Variants in MAST2 observed in about 807,000 individuals in gnomAD.
MAST2 encodes microtubule-associated serine/threonine-protein kinase 2.
MAST2 carries 70 observed loss-of-function variants against 147.4 expected under a neutral mutation model. The ratio of observed to expected loss-of-function variants is 0.47; its 90% CI spans 0.39 to 0.58. The LOEUF (loss-of-function observed/expected upper bound fraction) is 0.58. Ranked by LOEUF, MAST2 falls within the 20% of genes least tolerant of loss-of-function variation. MAST2 has a pLI of 0.00. For missense variants in MAST2, 2,080 were observed against 2,302.3 expected (o/e 0.90, Z 1.98); for synonymous variants, 869 against 896.8 (o/e 0.97, Z 0.55).
At chr1:45,911,173 C>A (rs888105103) in intron 4 of MAST2, among the ~76,000 whole-genome samples, 3 of 152,080 alleles carry the variant, frequency 2.0e-5, no homozygotes, top group Non-Finnish European at 4.4e-5. Context: ...TGTCACCAGT[C>A]CCAGGGAAAT....
chr1:45,997,338 G>T (rs192532006), intron 5 of MAST2, among the ~76,000 whole-genome samples: 1 of 152,256 alleles, frequency 6.6e-6, no homozygotes, highest in Non-Finnish European at 1.5e-5. Flanking sequence ...TTTGGATTAG[G>T]GGTCCTGTTG....
intron 5 of MAST2, among the ~76,000 whole-genome samples, chr1:45,988,639 C>G (rs1405309815): frequency 6.6e-6 from 1 of 152,208 alleles, no homozygotes; most frequent in Non-Finnish European, 1.5e-5. Context: ...TACATCCTCA[C>G]TGATCTTCCC....
chr1:45,911,847 ATTG>A (rs1651701059), intron 4 of MAST2, among the ~76,000 whole-genome samples: 2 of 139,316 alleles, frequency 1.4e-5, no homozygotes, highest in South Asian at 2.3e-4. Context: ...CATTATTATT[ATTG>A]TTATATTATT....
chr1:45,936,398 C>T (rs1656196221), intron 4 of MAST2, among the ~76,000 whole-genome samples: 1 of 152,116 alleles, frequency 6.6e-6, no homozygotes, highest in African/African-American at 2.4e-5. Context: ...CTAGGACTTC[C>T]TATGTGGAAT....
At chr1:45,923,308 T>C (rs1231589781) in intron 4 of MAST2, among the ~76,000 whole-genome samples, 1 of 152,200 alleles carries the variant, frequency 6.6e-6, no homozygotes, top group African/African-American at 2.4e-5. Context: ...GTCCTGCATC[T>C]GTACCCCACT....
At chr1:45,955,003 A>T (rs1013879793) in intron 4 of MAST2, among the ~76,000 whole-genome samples, 1 of 149,902 alleles carries the variant, frequency 6.7e-6, no homozygotes, top group African/African-American at 2.4e-5. Flanking sequence ...TCTTTATTTT[A>T]ATCCTTGTAA....
chr1:46,029,368 T>G (rs941918725), intron 18 of MAST2, 98 bp from the exon 19 acceptor site: 8 of 997,504 alleles, frequency 8.0e-6, no homozygotes, highest in Middle Eastern at 2.2e-4. Context: ...GGCTGGGTCC[T>G]TTTTGCCTCC....
At chr1:46,004,522 T>C (rs925158994) in intron 7 of MAST2, among the ~76,000 whole-genome samples, 1 of 152,232 alleles carries the variant, frequency 6.6e-6, no homozygotes, top group Non-Finnish European at 1.5e-5. Context: ...CACTGTAGTT[T>C]ACATTGCCTC....
At chr1:45,968,759 T>C (rs762455079) in intron 5 of MAST2, among the ~76,000 whole-genome samples, 7 of 152,098 alleles carry the variant, frequency 4.6e-5, no homozygotes, top group African/African-American at 1.7e-4. Flanking sequence ...GGGGAAATTT[T>C]ATGTCATTAT....
chr1:45,942,960 A>G (rs1657521689), intron 4 of MAST2, among the ~76,000 whole-genome samples: 1 of 152,236 alleles, frequency 6.6e-6, no homozygotes, highest in South Asian at 2.1e-4. Context: ...CTTTAGAAGA[A>G]TAATACAAGA....
At position 46,034,791 on chromosome 1, in the gene MAST2, T is replaced by C; in HGVS notation, c.4122T>C (p.Phe1374=). The change falls in exon 29 of 29, where the codon TTT becomes TTC. Residue 1374 remains phenylalanine (F), a synonymous_variant. Coordinates refer to ENST00000361297, the MANE Select transcript of MAST2 (RefSeq NM_015112.3). ...TGTCTGGCCATGTAGCCCAGGCCTT[T>C]CCCACAAAGCTTCACTTGTCACCTC... ...SPLSGHVAQA[F]PTKLHLSPPL... is the part of the protein sequence containing the mutation. The C allele has an allele frequency of 6.2e-7, 1 of 1,613,930 alleles. No homozygotes were observed. Among genetic ancestry groups the C allele is most frequent in the South Asian group, 1.1e-5 (1 of 91,080 alleles).
At chr1:45,887,902 A>G (rs185159247) in intron 4 of MAST2, among the ~76,000 whole-genome samples, 4 of 152,326 alleles carry the variant, frequency 2.6e-5, no homozygotes, top group South Asian at 2.1e-4. Flanking sequence ...TAAGTGTCCA[A>G]TGGGAAGGCA....
In MAST2 at chr1:45,844,995, T is replaced by C. The variant is rs368396989; in HGVS notation, c.468+15414T>C. Among the ~76,000 whole-genome samples, 92 of 152,304 alleles carry C rather than the reference T, an allele frequency of 6.0e-4. 3 individuals are homozygous for C. In the South Asian group the frequency reaches 0.018, roughly 29 times the overall value. Reference sequence around the variant, plus strand: ...AATCCATTCCTGTAAGCCCTTTTTATAGTGACATTAATCCATTCATGAGAA... The same window carrying C: ...AATCCATTCCTGTAAGCCCTTTTTACAGTGACATTAATCCATTCATGAGAA... On this transcript the variant is annotated intron_variant, in intron 3 of 28. Coordinates refer to ENST00000361297, the MANE Select transcript of MAST2 (RefSeq NM_015112.3).
At chr1:46,005,598 G>A (rs1304308840) in intron 7 of MAST2, among the ~76,000 whole-genome samples, 1 of 152,180 alleles carries the variant, frequency 6.6e-6, no homozygotes, top group Non-Finnish European at 1.5e-5. Flanking sequence ...GGAATCCTCA[G>A]TCACTGAGCC....
chr1:45,882,411 T>C lies in MAST2; in HGVS notation c.500+16T>C. On this transcript the variant is annotated intron_variant, in intron 4 of 28. Transcript: ENST00000361297. ...GAGGCAGCTTGTAAGTAGATGATTATTACCATTATGATTATGATCTCCTAC... is the reference window on the plus strand; with the variant it reads ...GAGGCAGCTTGTAAGTAGATGATTACTACCATTATGATTATGATCTCCTAC... The C allele has an allele frequency of 6.2e-7, 1 of 1,602,566 alleles. No individual in the cohort carries two copies. Among genetic ancestry groups the C allele is most frequent in the South Asian group, 1.1e-5 (1 of 90,684 alleles).
rs950810577 is a variant in MAST2 at position 46,023,682 on chromosome 1, T to C, written c.1572-90T>C. 7 of 1,169,274 alleles carry C rather than the reference T, an allele frequency of 6.0e-6. No individual in the cohort carries two copies. The highest frequency in any genetic ancestry group is 1.4e-5 in the South Asian group (1 of 70,258). The allele number at this position is 1,169,274 out of a possible 1,614,324, so 72.4% of individuals were successfully genotyped here. On this transcript the variant is annotated intron_variant, in intron 14 of 28. Transcript: ENST00000361297. This position sits in a 1 kb window ranked among gnomAD's most constrained non-coding sequence, Gnocchi z 4.9. Reference sequence around the variant, plus strand: ...CTTGCCCCCTTGTTCTGTGCATTAATTAAGGTGTGAGAGAAGGCAGTTTGG... The same window carrying C: ...CTTGCCCCCTTGTTCTGTGCATTAACTAAGGTGTGAGAGAAGGCAGTTTGG...
chr1:45,970,802 T>TTC, intron 5 of MAST2, among the ~76,000 whole-genome samples: 1 of 150,150 alleles, frequency 6.7e-6, no homozygotes, highest in South Asian at 2.1e-4. Context: ...AGAAGTGTTT[T>TTC]TTTTTTTTTT....
chr1:46,024,535 A>C (rs1480702526), intron 15 of MAST2, among the ~76,000 whole-genome samples: 1 of 152,210 alleles, frequency 6.6e-6, no homozygotes, highest in Admixed American at 6.5e-5. Context: ...CCTAGTCTTG[A>C]AGCTGAAGCT....
At chr1:45,835,854 A>G (rs1358873727) in intron 3 of MAST2, among the ~76,000 whole-genome samples, 2 of 152,166 alleles carry the variant, frequency 1.3e-5, no homozygotes, top group Admixed American at 1.3e-4. Context: ...TGGAATCATA[A>G]AATATGTGCC....
Sources: gnomAD v4.1 joint callset for allele counts (sites outside exome capture counted in the v4.1 genomes callset) on GRCh38, gnomAD v4.1.1 for gene constraint, Gnocchi (gnomAD v3.1) non-coding constraint, MANE v1.5 for transcripts, NCBI Gene and HGNC (gene_info 2026-07-23, HGNC 2026-07-21) for gene names.